CLASP1: variants seen among roughly 807,000 people sequenced by gnomAD.
The protein encoded by CLASP1 is cytoplasmic linker associated protein 1.
CLASP1 carries 38 observed loss-of-function variants against 192.3 expected under a neutral mutation model. The ratio of observed to expected loss-of-function variants is 0.20; its 90% CI spans 0.15 to 0.26. The LOEUF (loss-of-function observed/expected upper bound fraction) is 0.26. CLASP1 is among the 10% of genes least tolerant of loss of function. The probability of loss-of-function intolerance (pLI) is 1.00; values close to 1 mark genes in which losing one functional copy is unlikely to be tolerated. For missense variants in CLASP1, 1,433 were observed against 1,932.5 expected (o/e 0.74, Z 4.85); for synonymous variants, 691 against 712.8 (o/e 0.97, Z 0.49).
At chr2:121,449,110 C>T (rs2084918178) in exon 17 of CLASP1, 1 of 1,613,616 alleles carries the variant, frequency 6.2e-7, no homozygotes, top group Non-Finnish European at 8.5e-7. Context: ...CTGTGGAAAC[C>T]CCAGTAACAT....
chr2:121,456,714 A>T (rs945980358), intron 14 of CLASP1, among the ~76,000 whole-genome samples: 1 of 152,180 alleles, frequency 6.6e-6, no homozygotes, highest in Non-Finnish European at 1.5e-5. Context: ...TTGTACCCAT[A>T]GAAACCCAGC....
intron 8 of CLASP1, among the ~76,000 whole-genome samples, chr2:121,478,673 ACCACACACACACC>A (rs2092003801): frequency 5.7e-5 from 4 of 70,322 alleles, no homozygotes; most frequent in South Asian, 1.0e-3. Flanking sequence ...CCCCACACAC[ACCACACACACACC>A]CCACACACAC....
At chr2:121,525,738 T>A in intron 6 of CLASP1, 107 bp downstream of exon 6, 1 of 712,354 alleles carries the variant, frequency 1.4e-6, no homozygotes, top group Non-Finnish European at 2.5e-6. Context: ...TAATCATCAG[T>A]GTTCTGTGAA....
chr2:121,495,194 G>A (rs568448551), intron 8 of CLASP1, among the ~76,000 whole-genome samples: 56 of 151,888 alleles, frequency 3.7e-4, no homozygotes, highest in Admixed American at 6.6e-4. Flanking sequence ...GTGGTGGCAG[G>A]TGCCTGTACT....
rs150904872 is a variant in CLASP1 at position 121,420,014 on chromosome 2, A to C, written c.2213-1285T>G. On this transcript the variant is annotated intron_variant, in intron 22 of 39. Coordinates refer to ENST00000263710, the Ensembl canonical transcript of CLASP1. ...AACCATAACACTCCCTGATTAAAAA[A>C]AGAATACGAAAGGGAAAACTAAAGC... Among the ~76,000 whole-genome samples, 323 of 152,336 alleles carry C rather than the reference A, an allele frequency of 2.1e-3. 1 individual carries two copies. Among genetic ancestry groups the C allele is most frequent in the African/African-American group, 7.3e-3 (304 of 41,564 alleles).
At chr2:121,364,400 C>G (rs1428086364) in intron 36 of CLASP1, 1 of 152,358 alleles carries the variant, frequency 6.6e-6, no homozygotes, top group African/African-American at 2.4e-5. Context: ...GCATCTATTC[C>G]TGTTTCCATA....
At chr2:121,622,274 C>T (rs1209612638) in intron 1 of CLASP1, among the ~76,000 whole-genome samples, 1 of 151,876 alleles carries the variant, frequency 6.6e-6, no homozygotes, top group Non-Finnish European at 1.5e-5. Flanking sequence ...TTTTATAGTT[C>T]AGAATGTAAG....
rs533606062 is a variant in CLASP1, at chr2:121,646,562, A to ATC, written c.-286+2809_-286+2810insGA. On this transcript the variant is annotated intron_variant, in intron 1 of 39. Coordinates refer to ENST00000263710, the Ensembl canonical transcript of CLASP1. ...TTGAATCTAACATTTGTAATCACTT[A>ATC]AATGTTTATATTTACCAACAGTACT... Among the ~76,000 whole-genome samples the ATC allele has an allele frequency of 1.1e-4, 16 of 152,364 alleles. No individual in the cohort carries two copies. In the South Asian group the frequency reaches 3.3e-3, roughly 32 times the overall value.
chr2:121,573,148 T>C (rs2060140177), intron 2 of CLASP1, among the ~76,000 whole-genome samples: 1 of 152,080 alleles, frequency 6.6e-6, no homozygotes, highest in Non-Finnish European at 1.5e-5. Context: ...TTAGTAGAGA[T>C]GGGGTTTTGC....
intron 14 of CLASP1, among the ~76,000 whole-genome samples, chr2:121,454,870 A>G (rs1490796058): frequency 6.6e-6 from 1 of 152,242 alleles, no homozygotes; most frequent in African/African-American, 2.4e-5. Context: ...TGAAAATAAC[A>G]ACAGCCACAG....
chr2:121,581,265 T>C (rs1449520383), intron 2 of CLASP1, among the ~76,000 whole-genome samples: 3 of 120,050 alleles, frequency 2.5e-5, no homozygotes, highest in African/African-American at 3.8e-5. Context: ...TTGTTCTTTT[T>C]TTTTTTTTTT....
At chr2:121,381,613 C>A (rs1186702735) in intron 33 of CLASP1, among the ~76,000 whole-genome samples, 1 of 152,152 alleles carries the variant, frequency 6.6e-6, no homozygotes. Flanking sequence ...TGTGGGGGTG[C>A]GTGAAGGGAC....
chr2:121,392,754 G>GA lies in CLASP1; in HGVS notation c.3123+4385dup, dbSNP rs2074603168. Among the ~76,000 whole-genome samples, 6 of 152,262 alleles carry GA rather than the reference G, an allele frequency of 3.9e-5. No homozygotes were observed. In the South Asian group the frequency reaches 1.2e-3, roughly 32 times the overall value. ...ATCTTACATCAACACAGTGCATTAAGAAAGGTCTAGTGTACGTCTGCATAG... is the reference window on the plus strand; with the variant it reads ...ATCTTACATCAACACAGTGCATTAAGAAAAGGTCTAGTGTACGTCTGCATAG... On this transcript the variant is annotated intron_variant, in intron 30 of 39. Transcript: ENST00000263710.
chr2:121,448,925 G>T (rs767315580), intron 17 of CLASP1, 28 bp downstream of exon 17: 1 of 1,595,858 alleles, frequency 6.3e-7, no homozygotes, highest in South Asian at 1.1e-5. Context: ...ATTCTCACAT[G>T]AATGATAAGC....
intron 30 of CLASP1, among the ~76,000 whole-genome samples, chr2:121,392,377 A>C (rs2074515398): frequency 6.6e-6 from 1 of 152,238 alleles, no homozygotes; most frequent in African/African-American, 2.4e-5. Flanking sequence ...AACAATCCTC[A>C]AACAATAATA....
At chr2:121,625,465 C>T (rs138155202) in intron 1 of CLASP1, among the ~76,000 whole-genome samples, 1,524 of 127,806 alleles carry the variant, frequency 0.012, 23 homozygotes, top group East Asian at 0.065. Flanking sequence ...GACGGAGTCT[C>T]GCTCTGTTAT....
intron 19 of CLASP1, among the ~76,000 whole-genome samples, chr2:121,438,633 T>C (rs2082724612): frequency 6.6e-6 from 1 of 152,184 alleles, no homozygotes; most frequent in African/African-American, 2.4e-5. Context: ...GGATTACATT[T>C]ATTGATTTGC....
At chr2:121,577,436 A>G (rs1305624438) in intron 2 of CLASP1, among the ~76,000 whole-genome samples, 1 of 152,230 alleles carries the variant, frequency 6.6e-6, no homozygotes, top group Non-Finnish European at 1.5e-5. Context: ...CTATCTGGCT[A>G]ACTTTTTACA....
intron 2 of CLASP1, chr2:121,530,964 A>ATCAACTAG (rs1427543665): frequency 1.4e-6 from 1 of 700,348 alleles, no homozygotes; most frequent in Non-Finnish European, 2.6e-6. Flanking sequence ...ACACACCCGC[A>ATCAACTAG]TCAACTAGAG....
Sources: gnomAD v4.1 joint callset for allele counts (sites outside exome capture counted in the v4.1 genomes callset) on GRCh38, gnomAD v4.1.1 for gene constraint, MANE v1.5 for transcripts, NCBI Gene and HGNC (gene_info 2026-07-23, HGNC 2026-07-21) for gene names.